DENND2B: variants seen among roughly 807,000 people sequenced by gnomAD.
DENND2B encodes the protein DENN domain containing 2B, also known as DENN domain-containing protein 2B.
Under a neutral mutation model 116.0 loss-of-function variants are expected in DENND2B, and 32 were observed. The observed-to-expected ratio is 0.28, with a 90% confidence interval of 0.21 to 0.37. The LOEUF is 0.37. Ranked by LOEUF, DENND2B falls within the 10% of genes least tolerant of loss-of-function variation. The pLI, the probability that DENND2B is intolerant of heterozygous loss-of-function variation, is 1.00. For synonymous variants in DENND2B, 588 were observed against 583.9 expected (o/e 1.01, Z -0.10); for missense variants, 1,276 against 1,477.7 (o/e 0.86, Z 2.24).
At chr11:8,734,357 G>A (rs1396485697) in intron 2 of DENND2B, among the ~76,000 whole-genome samples, 1 of 151,934 alleles carries the variant, frequency 6.6e-6, no homozygotes. Context: ...TAGCCAGTCA[G>A]TCTCAAGAGA....
At chr11:8,714,587 C>A (rs1358193511) in intron 7 of DENND2B, 23 bp downstream of exon 7, 3 of 1,605,276 alleles carry the variant, frequency 1.9e-6, no homozygotes, top group Non-Finnish European at 2.6e-6. Context: ...AACAGCTGAA[C>A]CAGCTCTGGC....
chr11:8,718,227 A>C (rs1253151278), intron 4 of DENND2B: 1 of 903,658 alleles, frequency 1.1e-6, no homozygotes, highest in Non-Finnish European at 1.7e-6. Flanking sequence ...AGCCAGCAAC[A>C]AGAGTCTTTC....
At chr11:8,711,615 C>T (rs1342937054) in intron 9 of DENND2B, among the ~76,000 whole-genome samples, 1 of 151,922 alleles carries the variant, frequency 6.6e-6, no homozygotes, top group Non-Finnish European at 1.5e-5. Context: ...GCCTGTTAAT[C>T]CCAGCGCTTT....
intron 1 of DENND2B, among the ~76,000 whole-genome samples, chr11:8,801,659 A>G (rs1477510332): frequency 2.8e-5 from 4 of 142,148 alleles, no homozygotes; most frequent in African/African-American, 5.2e-5. Flanking sequence ...CCTAGGTGAC[A>G]GGGCAAGACT....
At chr11:8,828,905 T>C (rs763101432) in intron 4 of DENND2B, among the ~76,000 whole-genome samples, 2 of 151,466 alleles carry the variant, frequency 1.3e-5, no homozygotes, top group African/African-American at 2.4e-5. Flanking sequence ...AAAAGTAAGA[T>C]GAAAGGAAGG....
intron 2 of DENND2B, among the ~76,000 whole-genome samples, chr11:8,866,257 C>A (rs1343683962): frequency 1.3e-5 from 2 of 152,230 alleles, no homozygotes; most frequent in African/African-American, 2.4e-5. Flanking sequence ...CCGCACCCGA[C>A]CTGCAGTCCT....
intron 4 of DENND2B, among the ~76,000 whole-genome samples, chr11:8,825,459 T>G (rs1168909611): frequency 2.0e-5 from 3 of 152,168 alleles, no homozygotes; most frequent in Non-Finnish European, 4.4e-5. Flanking sequence ...GCTGTTGAAT[T>G]CTATTTGCTA....
chr11:8,725,724 G>A (rs1356211853), intron 4 of DENND2B, among the ~76,000 whole-genome samples: 1 of 152,162 alleles, frequency 6.6e-6, no homozygotes, highest in Non-Finnish European at 1.5e-5. Context: ...GAGAAAAACA[G>A]AGTCTTCACA....
chr11:8,779,332 C>T (rs3850932), intron 1 of DENND2B, among the ~76,000 whole-genome samples: 147,773 of 152,194 alleles, frequency 0.97, 71,873 homozygotes, highest in East Asian at 1. Context: ...ACACCCATAG[C>T]GTTTTTCTCA....
chr11:8,698,991 T>G lies in DENND2B; in HGVS notation c.2899-17A>C. On this transcript the variant is annotated splice_polypyrimidine_tract_variant and intron_variant, in intron 15 of 19. Coordinates refer to ENST00000313726, the MANE Select transcript of DENND2B (RefSeq NM_213618.2). ...CATCAGCGCCTGAGAAAAGGAGTCA[T>G]TAGCAGAGTGGCTCAGGGCATGAGT... The G allele has an allele frequency of 6.2e-7, 1 of 1,614,040 alleles. No individual in the cohort carries two copies. Among genetic ancestry groups the G allele is most frequent in the Non-Finnish European group, 8.5e-7 (1 of 1,179,966 alleles).
Position 8,730,227 on chromosome 11 carries a change from C to G in DENND2B, c.1063G>C (p.Glu355Gln), listed in dbSNP as rs1292888521. The G allele has an allele frequency of 6.2e-7, 1 of 1,612,902 alleles. No homozygotes were observed. Among genetic ancestry groups the G allele is most frequent in the Non-Finnish European group, 8.5e-7 (1 of 1,179,476 alleles). ...CCGGGCTTAGTGGAACCACTGCCTT[C>G]CCTCTCTGGGGGTGGGCCCGCCTCC... is the stretch of plus-strand genomic sequence containing the variant. ...AGEAGPPPER[E>Q]GSGSTKPGTP... Residue 355 changes from glutamate to glutamine, a missense_variant, in exon 3 of 20, where the codon GAA (glutamate) becomes CAA (glutamine). By Grantham distance (29) the Glu-to-Gln change is conservative (BLOSUM62 2). Transcript: ENST00000313726. This position sits in a 1 kb window ranked among gnomAD's most constrained non-coding sequence, Gnocchi z 4.1.
At chr11:8,873,911 C>T (rs1024339868), upstream of DENND2B, among the ~76,000 whole-genome samples, 1 of 152,120 alleles carries the variant, frequency 6.6e-6, no homozygotes, top group Non-Finnish European at 1.5e-5. Context: ...TTAGCATTAG[C>T]CAGCTTTGGA....
chr11:8,782,208 T>TTTCCG (rs1383298170), intron 1 of DENND2B, among the ~76,000 whole-genome samples: 1 of 152,184 alleles, frequency 6.6e-6, no homozygotes, highest in Non-Finnish European at 1.5e-5. Flanking sequence ...ACATGAAAAC[T>TTTCCG]TTTTAGAAAT....
intron 2 of DENND2B, among the ~76,000 whole-genome samples, chr11:8,861,705 T>C (rs1207675548): frequency 2.0e-5 from 3 of 152,184 alleles, no homozygotes; most frequent in African/African-American, 4.8e-5. Context: ...GGATGAGTCA[T>C]TATATCAAAA....
intron 4 of DENND2B, among the ~76,000 whole-genome samples, chr11:8,834,423 T>C (rs2062337929): frequency 3.9e-5 from 6 of 152,248 alleles, no homozygotes; most frequent in Admixed American, 3.9e-4. Flanking sequence ...ATAACTCCAC[T>C]AACCCCACTA....
Position 8,910,743 on chromosome 11 carries a change from C to A in DENND2B, c.-256+78G>T, listed in dbSNP as rs138789078. The stretch of plus-strand genomic sequence containing the variant: ...GTGTGTGTGTGTGTGTGTGTCTACA[C>A]GGGTTCTCGCTATGTTGCCTACCTA... On this transcript the variant is annotated intron_variant, in intron 1 of 22. Transcript: ENST00000534127. 4.6e-4 allele frequency: 52 copies of A among 113,430 alleles called. 1 individual carries two copies. Among genetic ancestry groups the A allele is most frequent in the South Asian group, 1.0e-3 (4 of 3,918 alleles). 7.0% of individuals were successfully genotyped at this position (113,430 alleles called of 1,614,324 possible).
At chr11:8,737,048 C>A (rs1220526689) in intron 2 of DENND2B, among the ~76,000 whole-genome samples, 1 of 152,142 alleles carries the variant, frequency 6.6e-6, no homozygotes, top group Non-Finnish European at 1.5e-5. Context: ...ACTTTGAGGG[C>A]TGGGCCAATG....
At chr11:8,833,155 G>C (rs1239635590) in intron 4 of DENND2B, among the ~76,000 whole-genome samples, 3 of 152,158 alleles carry the variant, frequency 2.0e-5, no homozygotes, top group African/African-American at 7.2e-5. Flanking sequence ...GATTCTCTCA[G>C]TCATGCTTCA....
intron 3 of DENND2B, among the ~76,000 whole-genome samples, chr11:8,852,193 C>T (rs950277787): frequency 2.0e-5 from 3 of 152,248 alleles, no homozygotes; most frequent in East Asian, 1.9e-4. Context: ...CATGCAATTT[C>T]GGCGTGGCAG....
Sources: allele counts gnomAD v4.1 joint callset (sites outside exome capture counted in the v4.1 genomes callset), GRCh38; gene constraint gnomAD v4.1.1; non-coding constraint Gnocchi (gnomAD v3.1); transcripts MANE v1.5; gene names NCBI Gene and HGNC (gene_info 2026-07-23, HGNC 2026-07-21).